CLEC12B: variants seen among roughly 807,000 people sequenced by gnomAD.
CLEC12B encodes the protein macrophage antigen h.
In CLEC12B, 25 loss-of-function variants were observed where a neutral mutation model predicts 36.1. The observed-to-expected ratio is 0.69, with a 90% CI of 0.50 to 0.97. CLEC12B has a LOEUF of 0.97. Ranked by LOEUF, CLEC12B falls within the 50% of genes least tolerant of loss-of-function variation. CLEC12B has a pLI of 0.00. For missense variants in CLEC12B, 325 were observed against 318.4 expected (o/e 1.02, Z -0.16); for synonymous variants, 110 against 108.5 (o/e 1.01, Z -0.09).
upstream of CLEC12B, among the ~76,000 whole-genome samples, chr12:10,009,561 GA>G (rs61525971): frequency 0.02 from 2,635 of 133,254 alleles, 36 homozygotes; most frequent in Non-Finnish European, 0.022. Flanking sequence ...TCATCAATTT[GA>G]AAAAAAAAAA....
chr12:10,012,371 A>G (rs565205529), intron 1 of CLEC12B, among the ~76,000 whole-genome samples: 1 of 152,324 alleles, frequency 6.6e-6, no homozygotes, highest in South Asian at 2.1e-4. Flanking sequence ...ATGTAAAACA[A>G]AAACCTTGAA....
chr12:10,009,641 G>A (rs1865277912), upstream of CLEC12B, among the ~76,000 whole-genome samples: 1 of 151,696 alleles, frequency 6.6e-6, no homozygotes, highest in African/African-American at 2.4e-5. Flanking sequence ...CGTTCCTAAA[G>A]AGAAAGTTTT....
chr12:10,017,351 T>G, intron 5 of CLEC12B: 1 of 985,428 alleles, frequency 1.0e-6, no homozygotes. Flanking sequence ...GCTACTAGAC[T>G]GAGGGTTTCC....
At chr12:10,008,114 A>G (rs1174368013), upstream of CLEC12B, among the ~76,000 whole-genome samples, 1 of 152,258 alleles carries the variant, frequency 6.6e-6, no homozygotes, top group African/African-American at 2.4e-5. Context: ...GTGCTGTTCA[A>G]TAGCCACGTT....
At chr12:10,014,787 C>A (rs1357441595) in intron 3 of CLEC12B, 46 bp downstream of exon 3, 2 of 1,357,874 alleles carry the variant, frequency 1.5e-6, no homozygotes, top group Non-Finnish European at 2.1e-6. Flanking sequence ...CATATGTTAT[C>A]CTGGTCTAAG....
chr12:10,014,731 T>A lies in CLEC12B; in HGVS notation c.399T>A (p.Ile133=). ...TCAAACTGTGCCAAGAGCTAATCATTCATACTTCAGGTAATCAGACTTAGT... is the reference window on the plus strand; with the variant it reads ...TCAAACTGTGCCAAGAGCTAATCATACATACTTCAGGTAATCAGACTTAGT... ...MAIKLCQELI[I]HTSDHRCNPC... Residue 133 remains isoleucine, a synonymous_variant, in exon 3 of 6, where the codon ATT becomes ATA. Coordinates refer to ENST00000338896, the MANE Select transcript of CLEC12B (RefSeq NM_001129998.3). The A allele has an allele frequency of 6.2e-7, 1 of 1,612,046 alleles. No homozygotes were observed. Among genetic ancestry groups the A allele is most frequent in the South Asian group, 1.1e-5 (1 of 91,008 alleles).
chr12:10,016,790 A>G (rs1865495965), intron 5 of CLEC12B: 1 of 185,182 alleles, frequency 5.4e-6, no homozygotes, highest in Admixed American at 6.5e-5. Context: ...TCAAATTATT[A>G]TTTTCTCATT....
chr12:10,012,692 C>T (rs1256971291), intron 1 of CLEC12B, 93 bp from the exon 2 acceptor site: 8 of 892,320 alleles, frequency 9.0e-6, no homozygotes, highest in African/African-American at 3.4e-5. Context: ...ACGTTAGTAT[C>T]GGGAAGCTCC....
chr12:10,010,153 G>GTC (rs1210356945), upstream of CLEC12B, among the ~76,000 whole-genome samples: 1 of 146,290 alleles, frequency 6.8e-6, no homozygotes, highest in African/African-American at 2.5e-5. Flanking sequence ...CCAACACCAT[G>GTC]TCTCTCTCTC....
At chr12:10,015,851 TC>T in intron 5 of CLEC12B, 124 bp downstream of exon 5, 1 of 1,506,272 alleles carries the variant, frequency 6.6e-7, no homozygotes. Context: ...AGAAAAGAGC[TC>T]CAGTAACAAA....
chr12:10,010,916 G>T, intron 1 of CLEC12B, 66 bp downstream of exon 1: 3 of 1,030,242 alleles, frequency 2.9e-6, no homozygotes, highest in Admixed American at 3.9e-5. Flanking sequence ...GCTTTGAGGT[G>T]CCAGCTTTAA....
chr12:10,015,474 T>C, intron 4 of CLEC12B, 68 bp downstream of exon 4: 1 of 1,563,220 alleles, frequency 6.4e-7, no homozygotes, highest in African/African-American at 1.4e-5. Context: ...AAATAAAACA[T>C]CTGATTCACA....
chr12:10,012,972 A>AG, intron 2 of CLEC12B, 89 bp downstream of exon 2: 1 of 922,430 alleles, frequency 1.1e-6, no homozygotes, highest in Non-Finnish European at 1.8e-6. Flanking sequence ...GATGGGTCCT[A>AG]GCATCCTGAA....
At chr12:10,018,187 C>T in intron 5 of CLEC12B, 144 bp from the exon 6 acceptor site, 1 of 652,030 alleles carries the variant, frequency 1.5e-6, no homozygotes, top group South Asian at 3.7e-5. Flanking sequence ...CAGCTTTAGG[C>T]AGCTTCAGAT....
intron 5 of CLEC12B, chr12:10,017,198 T>C: frequency 1.0e-6 from 1 of 985,288 alleles, no homozygotes; most frequent in Non-Finnish European, 1.2e-6. Context: ...ATTAATCATA[T>C]CAAGTCAATT....
intron 5 of CLEC12B, chr12:10,017,244 A>T: frequency 1.0e-6 from 1 of 985,438 alleles, no homozygotes; most frequent in African/African-American, 1.7e-5. Context: ...GACAAAAAGC[A>T]CATGCAGAGT....
intron 5 of CLEC12B, chr12:10,017,598 G>C: frequency 2.0e-6 from 2 of 985,732 alleles, no homozygotes; most frequent in Non-Finnish European, 2.4e-6. Context: ...TGAGCTTCCA[G>C]ATTGCATAGC....
chr12:10,007,587 CAG>C (rs1217564683), upstream of CLEC12B, among the ~76,000 whole-genome samples: 1 of 151,954 alleles, frequency 6.6e-6, no homozygotes, highest in Non-Finnish European at 1.5e-5. Flanking sequence ...AAAGAGAAGA[CAG>C]AAAGAAATTT....
chr12:10,006,747 A>G (rs532585592), upstream of CLEC12B, among the ~76,000 whole-genome samples: 1 of 152,240 alleles, frequency 6.6e-6, no homozygotes, highest in African/African-American at 2.4e-5. Flanking sequence ...CTTTAGCAGG[A>G]GTGTTTTTTA....
Sources: allele counts gnomAD v4.1 joint callset (sites outside exome capture counted in the v4.1 genomes callset), GRCh38; gene constraint gnomAD v4.1.1; transcripts MANE v1.5; gene names NCBI Gene and HGNC (gene_info 2026-07-23, HGNC 2026-07-21).